LY96: variants seen among roughly 807,000 people sequenced by gnomAD.
LY96 encodes the protein lymphocyte antigen 96, also known as myeloid differentiation protein-2.
Under a neutral mutation model 18.9 loss-of-function variants are expected in LY96, and 18 were observed. That is an observed-to-expected ratio of 0.95 (90% CI 0.66 to 1.41). The LOEUF is 1.41. LY96 is among the 40% of genes most tolerant of loss of function. LY96 has a pLI of 0.00. For synonymous variants in LY96, 66 were observed against 62.6 expected, an observed-to-expected ratio of 1.06 and a Z score of -0.26; for missense variants, 175 against 182.4, an observed-to-expected ratio of 0.96 and a Z score of 0.23.
chr8:74,028,741 T>C (rs943615073), intron 4 of LY96, among the ~76,000 whole-genome samples: 26 of 152,202 alleles, frequency 1.7e-4, no homozygotes, highest in African/African-American at 6.0e-4. Flanking sequence ...ACCTCTTAGG[T>C]TAGTTTTTAA....
the LY96 span, among the ~76,000 whole-genome samples, chr8:74,045,228 A>T: frequency 1.3e-5 from 2 of 152,238 alleles, no homozygotes; most frequent in Non-Finnish European, 2.9e-5. Flanking sequence ...TAGAGAGGAT[A>T]AAAAATGAAC....
At chr8:74,095,327 A>G in the LY96 span, among the ~76,000 whole-genome samples, 3 of 152,326 alleles carry the variant, frequency 2.0e-5, no homozygotes, top group East Asian at 5.8e-4. Context: ...GCCTTTTCCT[A>G]CACGCACAGA....
rs868086563 is a variant in LY96 at position 74,026,810 on chromosome 8, C to A, written c.353C>A (p.Ser118Ter). ...GCAGAGACTGTGAATACAACAATAT[C>A]ATTCTCCTTCAAGGGAATAAAATTT... Reference protein sequence around the residue: ...LKGETVNTTISFSFKGIKFSK... With the variant: ...LKGETVNTTI The change falls in exon 4 of 5, where the codon TCA becomes TAA. Residue 118 changes from serine (S) to a stop codon, truncating the protein, a stop_gained. Transcript: ENST00000284818. LOFTEE classifies it high-confidence loss of function. 3 of 1,533,454 alleles carry A rather than the reference C, an allele frequency of 2.0e-6. No homozygotes were observed. The highest frequency in any genetic ancestry group is 1.8e-6 in the Non-Finnish European group (2 of 1,107,250). 95.0% of individuals were successfully genotyped at this position (1,533,454 alleles called of 1,614,324 possible).
the LY96 span, among the ~76,000 whole-genome samples, chr8:74,070,509 T>C: frequency 6.6e-6 from 1 of 152,218 alleles, no homozygotes; most frequent in Admixed American, 6.5e-5. Context: ...TGGGTTTTTA[T>C]ATATCCAGTG....
chr8:74,024,095 A>G (rs941591245), intron 3 of LY96, among the ~76,000 whole-genome samples: 2 of 152,196 alleles, frequency 1.3e-5, no homozygotes, highest in African/African-American at 4.8e-5. Context: ...AAAAACTGCA[A>G]TTACTTTTAC....
At chr8:74,076,970 A>G in the LY96 span, among the ~76,000 whole-genome samples, 1 of 152,194 alleles carries the variant, frequency 6.6e-6, no homozygotes, top group Non-Finnish European at 1.5e-5. Flanking sequence ...CCAGCTTTAA[A>G]TTGGGGGTTC....
downstream of LY96, among the ~76,000 whole-genome samples, chr8:74,030,231 G>A (rs149148959): frequency 1.5e-3 from 230 of 152,294 alleles, no homozygotes; most frequent in African/African-American, 5.4e-3. Context: ...ACATTAAAAA[G>A]GCTGGGTGCA....
the LY96 span, among the ~76,000 whole-genome samples, chr8:74,091,639 ATTG>A: frequency 6.6e-6 from 1 of 152,182 alleles, no homozygotes; most frequent in African/African-American, 2.4e-5. Context: ...ACACAGGCCA[ATTG>A]TTGTTTCAGA....
At chr8:74,006,405 C>G (rs1449474210) in intron 2 of LY96, among the ~76,000 whole-genome samples, 1 of 152,166 alleles carries the variant, frequency 6.6e-6, no homozygotes, top group Non-Finnish European at 1.5e-5. Context: ...ACCATGCTGA[C>G]CAGGCTGGTC....
intron 3 of LY96, among the ~76,000 whole-genome samples, chr8:74,015,411 T>C (rs1816621153): frequency 6.6e-6 from 1 of 152,166 alleles, no homozygotes; most frequent in Non-Finnish European, 1.5e-5. Context: ...TCTCCTAGCT[T>C]CTGGTGGCCT....
At chr8:73,999,294 C>A (rs1394994421) in intron 1 of LY96, among the ~76,000 whole-genome samples, 1 of 151,768 alleles carries the variant, frequency 6.6e-6, no homozygotes, top group Non-Finnish European at 1.5e-5. Flanking sequence ...GAAACAAGAT[C>A]TCAATCTGTT....
chr8:74,089,483 G>C, the LY96 span, among the ~76,000 whole-genome samples: 1 of 152,058 alleles, frequency 6.6e-6, no homozygotes, highest in African/African-American at 2.4e-5. Flanking sequence ...TCCTAGACTT[G>C]GTATGAAACT....
At chr8:74,010,430 T>A (rs1160116831) in intron 3 of LY96, among the ~76,000 whole-genome samples, 2 of 151,978 alleles carry the variant, frequency 1.3e-5, no homozygotes, top group Non-Finnish European at 2.9e-5. Flanking sequence ...ATTTACAGAA[T>A]AATAACATTC....
At chr8:74,081,052 C>CTTTCTTTTTT in the LY96 span, among the ~76,000 whole-genome samples, 1 of 90,430 alleles carries the variant, frequency 1.1e-5, no homozygotes, top group Admixed American at 1.2e-4. Context: ...CTTTCTTTTT[C>CTTTCTTTTTT]TTTCTTTCTT....
the LY96 span, among the ~76,000 whole-genome samples, chr8:74,054,238 G>A: frequency 6.6e-6 from 1 of 152,080 alleles, no homozygotes; most frequent in Non-Finnish European, 1.5e-5. Context: ...CATTGGTCAG[G>A]TTAGTCTCAA....
the LY96 span, chr8:74,056,072 G>C: frequency 1.2e-5 from 2 of 162,420 alleles, no homozygotes; most frequent in African/African-American, 2.4e-5. Context: ...TGGCCTCAAG[G>C]GTTGTGATAT....
the LY96 span, among the ~76,000 whole-genome samples, chr8:74,070,140 A>G: frequency 8.6e-5 from 13 of 150,582 alleles, no homozygotes; most frequent in Admixed American, 5.3e-4. Flanking sequence ...TGCCCAGGCT[A>G]GAGTGCAGTG....
chr8:74,005,492 G>T (rs1173869874), intron 2 of LY96, among the ~76,000 whole-genome samples: 1 of 152,174 alleles, frequency 6.6e-6, no homozygotes, highest in Non-Finnish European at 1.5e-5. Context: ...AATCTTACAG[G>T]TATATCCTTC....
intron 3 of LY96, among the ~76,000 whole-genome samples, chr8:74,021,684 A>G (rs558630235): frequency 6.6e-6 from 1 of 152,348 alleles, no homozygotes; most frequent in South Asian, 2.1e-4. Context: ...ATGTCCATCA[A>G]TGATAGACGG....
Sources: allele counts gnomAD v4.1 joint callset (sites outside exome capture counted in the v4.1 genomes callset), GRCh38; gene constraint gnomAD v4.1.1; transcripts MANE v1.5; gene names NCBI Gene and HGNC (gene_info 2026-07-23, HGNC 2026-07-21).